The following PACS2 variants were observed in gnomAD, a reference collection of about 807,000 sequenced individuals.
PACS2 encodes the protein PACS1-like protein.
A neutral mutation model predicts 113.0 loss-of-function variants in PACS2; 36 were observed. The ratio of observed to expected loss-of-function variants is 0.32; its 90% CI spans 0.24 to 0.42. The LOEUF (loss-of-function observed/expected upper bound fraction) is 0.42. Among genes scored for constraint, PACS2 ranks in the 10% least tolerant of loss-of-function variants. The probability of loss-of-function intolerance (pLI) is 1.00; values close to 1 mark genes in which losing one functional copy is unlikely to be tolerated. For synonymous variants in PACS2, 589 were observed against 536.1 expected (o/e 1.10, Z -1.36); for missense variants, 1,015 against 1,239.5 (o/e 0.82, Z 2.72).
In PACS2 at chr14:105,368,105, C is replaced by T. The variant is rs1555408392; in HGVS notation, c.618C>T (p.Phe206=). 6.2e-7 allele frequency: 1 copy of T among 1,611,530 alleles called. No individual in the cohort carries two copies. Among genetic ancestry groups the T allele is most frequent in the Non-Finnish European group, 8.5e-7 (1 of 1,178,678 alleles). Residue 206 remains phenylalanine (F), a synonymous_variant, in exon 6 of 25, where the codon TTC becomes TTT. Coordinates refer to ENST00000447393, the MANE Select transcript of PACS2 (RefSeq NM_001100913.3). ...ACTCCGAGGAGGAGTATGAGAGCTT[C>T]TCCTCCGAGCAGGAGGCCAGTGACG... ...DNYSEEEYES[F]SSEQEASDDA...
chr14:105,362,670 T>G (rs1459087055), intron 4 of PACS2, among the ~76,000 whole-genome samples: 1 of 151,794 alleles, frequency 6.6e-6, no homozygotes, highest in Non-Finnish European at 1.5e-5. Flanking sequence ...GACCAACATG[T>G]TGAAATGCCA....
intron 2 of PACS2, 121 bp from the exon 3 acceptor site, chr14:105,352,257 C>G: frequency 1.4e-6 from 1 of 695,474 alleles, no homozygotes; most frequent in Non-Finnish European, 2.6e-6. Flanking sequence ...CTGTGCCTAC[C>G]ACCCCCAGAC....
chr14:105,302,186 A>G (rs374297911), intron 1 of PACS2, among the ~76,000 whole-genome samples: 1 of 141,558 alleles, frequency 7.1e-6, no homozygotes. Context: ...GGAAGACCCC[A>G]CCCTCTTTTT....
At chr14:105,334,146 C>T (rs1223936479) in intron 1 of PACS2, among the ~76,000 whole-genome samples, 1 of 152,222 alleles carries the variant, frequency 6.6e-6, no homozygotes, top group Non-Finnish European at 1.5e-5. Context: ...AGGCAGTGGC[C>T]GCCGTCTGCT....
chr14:105,304,311 G>A lies in PACS2; in HGVS notation c.-83+3332G>A, dbSNP rs2058116424. ...TCAAGACCGTCCTGGCCAACATGGT[G>A]AAACCCATCTTTCCAAAAAATACAA... On this transcript the variant is annotated intron_variant, in intron 1 of 23. Coordinates refer to the PACS2 transcript ENST00000430725. Among the ~76,000 whole-genome samples, 3 of 152,144 alleles carry A rather than the reference G, an allele frequency of 2.0e-5. No individual in the cohort carries two copies. In the South Asian group the frequency reaches 6.2e-4, roughly 32 times the overall value.
chr14:105,355,467 G>A lies in PACS2; in HGVS notation c.423+290G>A, dbSNP rs1203787469. 6.6e-6 allele frequency among the ~76,000 whole-genome samples: 1 copy of A among 152,206 alleles called. No individual in the cohort carries two copies. The highest frequency in any genetic ancestry group is 2.4e-5 in the African/African-American group (1 of 41,454). On this transcript the variant is annotated intron_variant, in intron 4 of 24. Coordinates refer to ENST00000447393, the MANE Select transcript of PACS2 (RefSeq NM_001100913.3). This position sits in a 1 kb window ranked among gnomAD's most constrained non-coding sequence, Gnocchi z 4.1. ...GCCCTTCAGTGGAGGCTGGGTTTTG[G>A]GTCAGGCTGCTCTGGAGTCCTTCCC...
intron 1 of PACS2, among the ~76,000 whole-genome samples, chr14:105,345,668 G>A (rs2059896268): frequency 6.6e-6 from 1 of 152,214 alleles, no homozygotes; most frequent in Non-Finnish European, 1.5e-5. Flanking sequence ...TAGATTGCTA[G>A]TCTAACGCCA....
rs955565941 is a variant in PACS2, at chr14:105,356,358, C to T, written c.423+1181C>T. Reference sequence around the variant, plus strand: ...GCAGTGGCGTCCCGAGGCCTCGCTTCTCCGTGCCGCCGCAGGGCCTCAGAC... The same window carrying T: ...GCAGTGGCGTCCCGAGGCCTCGCTTTTCCGTGCCGCCGCAGGGCCTCAGAC... On this transcript the variant is annotated intron_variant, in intron 4 of 24. Coordinates refer to ENST00000447393, the MANE Select transcript of PACS2 (RefSeq NM_001100913.3). The surrounding 1 kb of genome is among the most constrained non-coding windows in gnomAD (Gnocchi z 4.0). Among the ~76,000 whole-genome samples the T allele has an allele frequency of 2.0e-5, 3 of 152,342 alleles. No individual in the cohort carries two copies. Among genetic ancestry groups the T allele is most frequent in the South Asian group, 4.1e-4 (2 of 4,830 alleles).
intron 3 of PACS2, among the ~76,000 whole-genome samples, chr14:105,353,355 A>G (rs587674060): frequency 9.8e-4 from 98 of 99,772 alleles, no homozygotes; most frequent in African/African-American, 3.7e-3. Flanking sequence ...CGCCCTCATC[A>G]CTGTCCCCTG....
At chr14:105,342,603 C>T (rs1555401825) in intron 1 of PACS2, among the ~76,000 whole-genome samples, 1 of 151,906 alleles carries the variant, frequency 6.6e-6, no homozygotes, top group African/African-American at 2.4e-5. Flanking sequence ...TGGTGTGTGT[C>T]TTGTGGCTGT....
intron 1 of PACS2, among the ~76,000 whole-genome samples, chr14:105,319,959 A>T (rs2140832045): frequency 6.6e-6 from 1 of 152,310 alleles, no homozygotes; most frequent in Non-Finnish European, 1.5e-5. Context: ...ATTGTGGTAA[A>T]TTACATAAAT....
intron 21 of PACS2, 78 bp downstream of exon 21, chr14:105,391,327 AC>A: frequency 9.2e-7 from 1 of 1,083,636 alleles, no homozygotes; most frequent in Non-Finnish European, 1.4e-6. Context: ...AGTCCTGCAG[AC>A]CAGATCAACC....
Position 105,392,863 on chromosome 14 carries a change from A to ATT in PACS2, c.2482+19_2482+20insTT, listed in dbSNP as rs782067582. 84 of 1,559,082 alleles carry ATT rather than the reference A, an allele frequency of 5.4e-5. No individual in the cohort carries two copies. The highest frequency in any genetic ancestry group is 7.3e-5 in the Non-Finnish European group (84 of 1,143,550). On this transcript the variant is annotated intron_variant, in intron 23 of 24. Transcript: ENST00000447393. ...CAAGAAGGGTGAGGTGGGGCAGGCT[A>ATT]TAAGGCCACACGGCGCAGAAGGGCG...
chr14:105,314,258 A>C (rs1325135638), upstream of PACS2, among the ~76,000 whole-genome samples: 1 of 133,542 alleles, frequency 7.5e-6, no homozygotes, highest in Admixed American at 7.3e-5. Context: ...GCAGGAGACA[A>C]GGGGCGGCGA....
chr14:105,350,667 C>T (rs1262072231), intron 2 of PACS2, among the ~76,000 whole-genome samples: 2 of 152,202 alleles, frequency 1.3e-5, no homozygotes, highest in African/African-American at 2.4e-5. Context: ...CCCCACCTGC[C>T]CCTCAGCCTT....
At chr14:105,382,384 G>T (rs587661143) in intron 13 of PACS2, 93 bp from the exon 14 acceptor site, 1 of 794,202 alleles carries the variant, frequency 1.3e-6, no homozygotes, top group South Asian at 1.5e-5. Flanking sequence ...GTGGCTGCAG[G>T]GGGAGCAGGG....
chr14:105,373,931 C>T (rs2141187864), intron 8 of PACS2, among the ~76,000 whole-genome samples: 1 of 152,134 alleles, frequency 6.6e-6, no homozygotes, highest in East Asian at 1.9e-4. Context: ...TGACCCGGAT[C>T]ACTTGAGGTC....
At position 105,348,381 on chromosome 14, in the gene PACS2, G is replaced by A. The variant is rs587727905; in HGVS notation, c.120-112G>A. ...GGGGCCGCCCAGGCAGTCACACCCC[G>A]CCCTGCACCCCAGGGTGCAGGCTCC... On this transcript the variant is annotated intron_variant, in intron 1 of 24. Transcript: ENST00000447393. This position sits in a 1 kb window ranked among gnomAD's most constrained non-coding sequence, Gnocchi z 6.4. 5.6e-5 allele frequency: 42 copies of A among 744,432 alleles called. No individual in the cohort carries two copies. Among genetic ancestry groups the A allele is most frequent in the Middle Eastern group, 7.8e-4 (2 of 2,576 alleles). The allele number at this position is 744,432 out of a possible 1,614,324, so 46.1% of individuals were successfully genotyped here.
rs78265359 is a variant in PACS2 at position 105,319,680 on chromosome 14, G to T, written c.119+4643G>T. ...ATACTTTTCTTTCTTTCTCTTGCCTGACTGTGCCAGTTGTCATAGTACAGT... is the reference window on the plus strand; with the variant it reads ...ATACTTTTCTTTCTTTCTCTTGCCTTACTGTGCCAGTTGTCATAGTACAGT... On this transcript the variant is annotated intron_variant, in intron 1 of 24. Coordinates refer to ENST00000447393, the MANE Select transcript of PACS2 (RefSeq NM_001100913.3). Among the ~76,000 whole-genome samples the T allele has an allele frequency of 7.9e-4, 120 of 152,268 alleles. 1 individual carries two copies. In the East Asian group the frequency reaches 0.015, roughly 20 times the overall value.
Sources: allele counts gnomAD v4.1 joint callset (sites outside exome capture counted in the v4.1 genomes callset), GRCh38; gene constraint gnomAD v4.1.1; non-coding constraint Gnocchi (gnomAD v3.1); transcripts MANE v1.5; gene names NCBI Gene and HGNC (gene_info 2026-07-23, HGNC 2026-07-21).